The following TUBGCP5 variants were observed in gnomAD, a reference collection of about 807,000 sequenced individuals.
TUBGCP5 encodes the protein gamma-tubulin complex component 5.
TUBGCP5 carries 98 observed loss-of-function variants against 134.7 expected under a neutral mutation model. The ratio of observed to expected loss-of-function variants is 0.73; its 90% CI spans 0.62 to 0.86. TUBGCP5 has a LOEUF of 0.86. Ranked by LOEUF, TUBGCP5 falls within the 40% of genes least tolerant of loss-of-function variation. The pLI, the probability that TUBGCP5 is intolerant of heterozygous loss-of-function variation, is 0.00. For missense variants in TUBGCP5, 1,150 were observed against 1,244.8 expected (o/e 0.92, Z 1.15); for synonymous variants, 456 against 431.4 (o/e 1.06, Z -0.71).
intron 6 of TUBGCP5, among the ~76,000 whole-genome samples, chr15:23,029,965 C>A (rs774756854): frequency 6.6e-6 from 1 of 152,080 alleles, no homozygotes; most frequent in Non-Finnish European, 1.5e-5. Flanking sequence ...GACGCAGAGG[C>A]GGAGTAATTG....
At chr15:23,017,424 C>A (rs1384641872) in intron 13 of TUBGCP5, among the ~76,000 whole-genome samples, 1 of 152,004 alleles carries the variant, frequency 6.6e-6, no homozygotes, top group East Asian at 1.9e-4. Context: ...CTATGTACCC[C>A]ATGAATATGT....
In TUBGCP5 at chr15:23,006,077, A is replaced by G. The variant is rs1396397201; in HGVS notation, c.2508T>C (p.Tyr836=). Residue 836 remains tyrosine, a synonymous_variant, in exon 18 of 23, where the codon TAT becomes TAC. Coordinates refer to ENST00000615383, the MANE Select transcript of TUBGCP5 (RefSeq NM_052903.6). ...CACCAAAAAGTAAAACATCCAGACT[A>G]TATTTTGCCCACTTTATTTGCAATA... The part of the protein sequence containing the change: ...LLLLQIKWAK[Y]SLDVLLFGEL... 1 of 1,609,912 alleles carries G rather than the reference A, an allele frequency of 6.2e-7. No homozygotes were observed. Among genetic ancestry groups the G allele is most frequent in the Admixed American group, 1.7e-5 (1 of 58,812 alleles).
At chr15:22,985,748 T>A (rs1454143807) in intron 23 of TUBGCP5, among the ~76,000 whole-genome samples, 1 of 152,006 alleles carries the variant, frequency 6.6e-6, no homozygotes, top group African/African-American at 2.4e-5. Flanking sequence ...GGCAGGAGAA[T>A]CGCTTGAACC....
chr15:23,015,688 A>G (rs186995533), intron 13 of TUBGCP5, among the ~76,000 whole-genome samples: 125 of 152,282 alleles, frequency 8.2e-4, no homozygotes, highest in African/African-American at 2.8e-3. Flanking sequence ...CGCCCAGCCA[A>G]CTGTGCCACT....
chr15:22,995,281 A>G (rs1033805897), downstream of TUBGCP5, among the ~76,000 whole-genome samples: 1 of 151,754 alleles, frequency 6.6e-6, no homozygotes, highest in Non-Finnish European at 1.5e-5. Context: ...TAAAAGAATA[A>G]ATAAAAGAAA....
intron 8 of TUBGCP5, 87 bp from the exon 9 acceptor site, chr15:23,024,917 T>G: frequency 4.1e-6 from 3 of 731,940 alleles, no homozygotes; most frequent in Admixed American, 2.7e-5. Flanking sequence ...TTTTTTTTTT[T>G]GACAGGGACT....
At chr15:23,004,079 T>A (rs1229493041) in intron 20 of TUBGCP5, 23 bp downstream of exon 20, 1 of 1,594,258 alleles carries the variant, frequency 6.3e-7, no homozygotes, top group African/African-American at 1.4e-5. Flanking sequence ...AGTGGCCACA[T>A]CTGCAGGAGA....
intron 21 of TUBGCP5, among the ~76,000 whole-genome samples, chr15:23,002,825 G>A (rs1196533328): frequency 2.0e-5 from 3 of 151,366 alleles, no homozygotes; most frequent in African/African-American, 7.3e-5. Flanking sequence ...ATGTTTGCTT[G>A]TTTAAATCAG....
At chr15:23,030,536 T>A (rs1218731102) in intron 6 of TUBGCP5, among the ~76,000 whole-genome samples, 1 of 148,782 alleles carries the variant, frequency 6.7e-6, no homozygotes, top group Non-Finnish European at 1.5e-5. Flanking sequence ...TGAGACAGGG[T>A]CTCGCTCTGT....
At chr15:23,005,661 C>A in intron 18 of TUBGCP5, 51 bp from the exon 19 acceptor site, 2 of 1,548,516 alleles carry the variant, frequency 1.3e-6, no homozygotes, top group Non-Finnish European at 1.8e-6. Flanking sequence ...CAACTCAAAC[C>A]CCACTGCACC....
intron 16 of TUBGCP5, among the ~76,000 whole-genome samples, chr15:23,006,783 T>C (rs917234184): frequency 1.3e-5 from 2 of 152,144 alleles, no homozygotes; most frequent in African/African-American, 4.8e-5. Context: ...GGTCTGCTTC[T>C]ACACCAGAGG....
At chr15:23,037,049 A>C (rs759385388) in intron 2 of TUBGCP5, 44 bp from the exon 3 acceptor site, 1 of 1,596,458 alleles carries the variant, frequency 6.3e-7, no homozygotes, top group South Asian at 1.1e-5. Flanking sequence ...AAAAAGATCT[A>C]TAAGAAAATA....
chr15:23,010,768 C>T (rs2064989669), intron 14 of TUBGCP5, among the ~76,000 whole-genome samples: 1 of 152,036 alleles, frequency 6.6e-6, no homozygotes, highest in East Asian at 1.9e-4. Flanking sequence ...CACCTGAGGT[C>T]AGGAGTTCGA....
At chr15:23,004,481 C>A in intron 19 of TUBGCP5, 1 of 427,276 alleles carries the variant, frequency 2.3e-6, no homozygotes, top group Non-Finnish European at 4.1e-6. Flanking sequence ...AAACTCTGGA[C>A]TAACAGACTT....
chr15:22,990,071 C>A (rs921088540), intron 23 of TUBGCP5, among the ~76,000 whole-genome samples: 1 of 152,178 alleles, frequency 6.6e-6, no homozygotes, highest in Non-Finnish European at 1.5e-5. Flanking sequence ...TTAACATTCC[C>A]TGCACCTTTG....
chr15:23,032,826 T>C lies in TUBGCP5; in HGVS notation c.310-2A>G. ...CAGTATGGAATAATGTGCATCTGTC[T>C]TTAAAACAAAAAAAAGAACATAAAT... On this transcript the variant is annotated splice_acceptor_variant, in intron 3 of 22. Coordinates refer to ENST00000615383, the MANE Select transcript of TUBGCP5 (RefSeq NM_052903.6). LOFTEE classifies it high-confidence loss of function. The C allele has an allele frequency of 6.4e-7, 1 of 1,552,560 alleles. No homozygotes were observed. The highest frequency in any genetic ancestry group is 8.7e-7 in the Non-Finnish European group (1 of 1,154,678).
intron 14 of TUBGCP5, among the ~76,000 whole-genome samples, chr15:23,010,389 C>T (rs976671444): frequency 4.6e-5 from 7 of 152,156 alleles, no homozygotes; most frequent in Non-Finnish European, 7.3e-5. Context: ...ATTAGACAAC[C>T]GGGAACTGTG....
chr15:22,997,988 A>G (rs1456532923), downstream of TUBGCP5, among the ~76,000 whole-genome samples: 1 of 151,886 alleles, frequency 6.6e-6, no homozygotes, highest in Non-Finnish European at 1.5e-5. Context: ...GCATAATTCT[A>G]TTCAAAATAT....
chr15:22,990,511 C>A (rs1056077364), intron 23 of TUBGCP5, among the ~76,000 whole-genome samples: 3 of 152,122 alleles, frequency 2.0e-5, no homozygotes, highest in Non-Finnish European at 4.4e-5. Context: ...AAAACAAATA[C>A]CAGCAGAACA....
Sources: allele counts gnomAD v4.1 joint callset (sites outside exome capture counted in the v4.1 genomes callset), GRCh38; gene constraint gnomAD v4.1.1; transcripts MANE v1.5; gene names NCBI Gene and HGNC (gene_info 2026-07-23, HGNC 2026-07-21).